Variants in PPP6R2 observed in about 807,000 individuals in gnomAD.
PPP6R2 encodes the protein protein phosphatase 6 regulatory subunit 2.
PPP6R2 carries 62 observed loss-of-function variants against 100.2 expected under a neutral mutation model. The ratio of observed to expected loss-of-function variants is 0.62; its 90% CI spans 0.50 to 0.76. PPP6R2 has a LOEUF of 0.76. Ranked by LOEUF, PPP6R2 falls within the 30% of genes least tolerant of loss-of-function variation. PPP6R2 has a pLI of 0.00. For missense variants in PPP6R2, 1,142 were observed against 1,276.3 expected (o/e 0.89, Z 1.60); for synonymous variants, 525 against 514.7 (o/e 1.02, Z -0.27).
upstream of PPP6R2, among the ~76,000 whole-genome samples, chr22:50,339,567 T>C (rs1215164022): frequency 1.1e-4 from 13 of 117,852 alleles, no homozygotes; most frequent in Middle Eastern, 0.013. Flanking sequence ...GTGTGTGTGG[T>C]ATGTAGTGTG....
intron 1 of PPP6R2, among the ~76,000 whole-genome samples, chr22:50,368,257 G>T (rs1422133357): frequency 6.6e-6 from 1 of 152,198 alleles, no homozygotes; most frequent in Non-Finnish European, 1.5e-5. Flanking sequence ...TCCACAGGAG[G>T]TGGTGGAGCA....
At chr22:50,365,862 G>A (rs956664354) in intron 1 of PPP6R2, among the ~76,000 whole-genome samples, 1 of 151,830 alleles carries the variant, frequency 6.6e-6, no homozygotes, top group Admixed American at 6.6e-5. Flanking sequence ...TGAGTAGCTG[G>A]GATTATAGAC....
At chr22:50,430,520 G>A (rs1275470714) in intron 10 of PPP6R2, among the ~76,000 whole-genome samples, 2 of 152,192 alleles carry the variant, frequency 1.3e-5, no homozygotes, top group South Asian at 2.1e-4. Flanking sequence ...ACAGGGAAAT[G>A]TAGCCTTTAA....
chr22:50,414,080 CT>C (rs2060144251), intron 4 of PPP6R2, among the ~76,000 whole-genome samples: 1 of 152,216 alleles, frequency 6.6e-6, no homozygotes, highest in African/African-American at 2.4e-5. Flanking sequence ...CTTCTTTCCC[CT>C]TCAACCGCTC....
At chr22:50,406,627 C>A in intron 3 of PPP6R2, 62 bp from the exon 4 acceptor site, 2 of 1,482,476 alleles carry the variant, frequency 1.3e-6, no homozygotes, top group South Asian at 1.1e-5. Context: ...ACTATGTAAG[C>A]AGCTTCCTAA....
intron 1 of PPP6R2, among the ~76,000 whole-genome samples, chr22:50,369,926 T>TA (rs2049663833): frequency 6.7e-6 from 1 of 150,170 alleles, no homozygotes; most frequent in Admixed American, 6.7e-5. Flanking sequence ...TTTTTTTTTT[T>TA]TAAGTAGAGG....
At chr22:50,375,832 A>ATTTTTTTTTTTTTTTTTTATTTTTT (rs2051385514) in intron 2 of PPP6R2, among the ~76,000 whole-genome samples, 2 of 64,562 alleles carry the variant, frequency 3.1e-5, no homozygotes, top group Non-Finnish European at 5.3e-5. Flanking sequence ...ATCCCTGCAG[A>ATTTTTTTTTTTTTTTTTTATTTTTT]TTTTTTTTTT....
chr22:50,338,938 G>GT (rs2042335814), upstream of PPP6R2, among the ~76,000 whole-genome samples: 2 of 128,870 alleles, frequency 1.6e-5, no homozygotes, highest in Admixed American at 8.3e-5. Context: ...TGGTGTGTGT[G>GT]GGTGTGTAGG....
At position 50,436,441 on chromosome 22, in the gene PPP6R2, A is replaced by G; in HGVS notation, c.1591A>G (p.Thr531Ala). Residue 531 changes from threonine to alanine, a missense_variant, in exon 14 of 24, where the codon ACT (threonine) becomes GCT (alanine). Physicochemically the swap from Thr to Ala is moderately conservative, Grantham distance 58. This residue lies in a region of PPP6R2 where 592 missense variants were observed against 758.9 expected (regional missense o/e 0.78). Transcript: ENST00000612753. Reference sequence around the variant, plus strand: ...GCTGACGGAGACGAACCGCAGGAACACTGTGGACCTGGTGAGGAGGCTCGG... The same window carrying G: ...GCTGACGGAGACGAACCGCAGGAACGCTGTGGACCTGGTGAGGAGGCTCGG... The part of the protein sequence containing the change: ...ETLTETNRRN[T>A]VDLVSTHHLH... 1 of 1,591,558 alleles carries G rather than the reference A, an allele frequency of 6.3e-7. No individual in the cohort carries two copies. The highest frequency in any genetic ancestry group is 8.5e-7 in the Non-Finnish European group (1 of 1,170,452).
At chr22:50,332,804 A>G in the PPP6R2 span, among the ~76,000 whole-genome samples, 1 of 151,584 alleles carries the variant, frequency 6.6e-6, no homozygotes, top group South Asian at 2.1e-4. Flanking sequence ...TTGTATTTTT[A>G]GTAGAGACGG....
At chr22:50,375,246 A>G (rs1392488029) in intron 2 of PPP6R2, among the ~76,000 whole-genome samples, 1 of 152,186 alleles carries the variant, frequency 6.6e-6, no homozygotes, top group Non-Finnish European at 1.5e-5. Context: ...CCTCCACCCC[A>G]GAAAAACAGC....
rs1306652801 is a variant in PPP6R2, at chr22:50,434,664, G to A, written c.1401-302G>A. Reference sequence around the variant, plus strand: ...CCGGGGGCATGGATGCTGGGCAGGGGCCGGGCACTTGCCCTGGAGGTGAAC... The same window carrying A: ...CCGGGGGCATGGATGCTGGGCAGGGACCGGGCACTTGCCCTGGAGGTGAAC... On this transcript the variant is annotated intron_variant, in intron 12 of 23. Transcript: ENST00000612753. 3.1e-5 allele frequency among the ~76,000 whole-genome samples: 3 copies of A among 97,124 alleles called. 1 individual carries two copies. Among genetic ancestry groups the A allele is most frequent in the Non-Finnish European group, 6.0e-5 (3 of 49,670 alleles). 63.7% of individuals were successfully genotyped at this position (97,124 alleles called of 152,430 possible).
rs1187360519 is a variant in PPP6R2, at chr22:50,373,531, C to T, written c.-17+1381C>T. Reference sequence around the variant, plus strand: ...GTGCTGGGATTACAGGCGTGAGCCACCGCGCCCAGCCTAATTTCTTTATTC... The same window carrying T: ...GTGCTGGGATTACAGGCGTGAGCCATCGCGCCCAGCCTAATTTCTTTATTC... On this transcript the variant is annotated intron_variant, in intron 2 of 23. Coordinates refer to ENST00000612753, the MANE Select transcript of PPP6R2 (RefSeq NM_001242898.2). 2.0e-5 allele frequency among the ~76,000 whole-genome samples: 3 copies of T among 151,658 alleles called. No individual in the cohort carries two copies. The East Asian group carries it at 5.8e-4, about 29-fold the overall frequency.
At chr22:50,435,522 T>TTGCAGCC (rs2064043575) in intron 13 of PPP6R2, among the ~76,000 whole-genome samples, 1 of 152,194 alleles carries the variant, frequency 6.6e-6, no homozygotes, top group African/African-American at 2.4e-5. Context: ...GGGGAGCAGG[T>TTGCAGCC]TGCAGCCTGT....
upstream of PPP6R2, among the ~76,000 whole-genome samples, chr22:50,343,091 C>T (rs926132034): frequency 6.6e-6 from 1 of 152,134 alleles, no homozygotes; most frequent in Non-Finnish European, 1.5e-5. Context: ...GCCAATACCT[C>T]AAAGGGAAAC....
At chr22:50,338,789 GGTGTGTATGTACGGTGTCTGGT>G, upstream of PPP6R2, among the ~76,000 whole-genome samples, 1 of 137,632 alleles carries the variant, frequency 7.3e-6, no homozygotes, top group South Asian at 2.5e-4. Flanking sequence ...TGGTGTGTGT[GGTGTGTATGTACGGTGTCTGGT>G]GTGTGTGTGT....
At chr22:50,387,845 G>T (rs1013333892) in intron 2 of PPP6R2, among the ~76,000 whole-genome samples, 4 of 152,176 alleles carry the variant, frequency 2.6e-5, no homozygotes, top group South Asian at 4.1e-4. Context: ...AATGAAACGT[G>T]CTGGGAACTG....
chr22:50,400,389 C>T (rs751436743), intron 3 of PPP6R2, among the ~76,000 whole-genome samples: 14 of 152,216 alleles, frequency 9.2e-5, no homozygotes, highest in African/African-American at 2.2e-4. Flanking sequence ...TTTAGGGCAT[C>T]GGGCCTGCGT....
chr22:50,384,688 C>T (rs964630776), intron 2 of PPP6R2, among the ~76,000 whole-genome samples: 3 of 151,784 alleles, frequency 2.0e-5, no homozygotes, highest in African/African-American at 7.3e-5. Flanking sequence ...TGGGACATCA[C>T]GTGGCAAGGG....
Sources: allele counts gnomAD v4.1 joint callset (sites outside exome capture counted in the v4.1 genomes callset), GRCh38; gene constraint gnomAD v4.1.1; regional missense constraint gnomAD v4.1.1; transcripts MANE v1.5; gene names NCBI Gene and HGNC (gene_info 2026-07-23, HGNC 2026-07-21).